CSMD1: variants seen among roughly 807,000 people sequenced by gnomAD.
CSMD1 encodes the protein CUB and sushi domain-containing protein 1.
Under a neutral mutation model 417.5 loss-of-function variants are expected in CSMD1, and 213 were observed. The ratio of observed to expected loss-of-function variants is 0.51; its 90% CI spans 0.46 to 0.57. The LOEUF (loss-of-function observed/expected upper bound fraction) is 0.57, where lower values mean the gene tolerates loss of function less well. Ranked by LOEUF, CSMD1 falls within the 20% of genes least tolerant of loss-of-function variation. The probability of loss-of-function intolerance (pLI) is 0.00; values close to 1 mark genes in which losing one functional copy is unlikely to be tolerated. For synonymous variants in CSMD1, 2,862 were observed against 1,736.8 expected (o/e 1.65, Z -16.11); for missense variants, 6,923 against 4,529.7 (o/e 1.53, Z -15.17).
chr8:4,679,855 T>C (rs779558244), intron 1 of CSMD1, among the ~76,000 whole-genome samples: 15 of 152,272 alleles, frequency 9.9e-5, no homozygotes, highest in Non-Finnish European at 8.8e-5. Context: ...ATATGTAAAA[T>C]ATATACAATG....
chr8:4,552,334 C>G (rs551473080), intron 2 of CSMD1, among the ~76,000 whole-genome samples: 3 of 149,816 alleles, frequency 2.0e-5, no homozygotes, highest in South Asian at 2.1e-4. Flanking sequence ...ATCTCACATT[C>G]TTTTTTTTTT....
intron 3 of CSMD1, among the ~76,000 whole-genome samples, chr8:4,357,700 A>G (rs1801508522): frequency 6.6e-6 from 1 of 152,166 alleles, no homozygotes; most frequent in Non-Finnish European, 1.5e-5. Flanking sequence ...TTAACAAATA[A>G]TCAGAATTAA....
At chr8:3,037,697 A>G (rs556922577) in intron 50 of CSMD1, among the ~76,000 whole-genome samples, 2 of 152,336 alleles carry the variant, frequency 1.3e-5, no homozygotes, top group African/African-American at 4.8e-5. Flanking sequence ...CTTTACCCTT[A>G]CAGCTTAACG....
At chr8:4,289,103 G>C (rs890147967) in intron 3 of CSMD1, among the ~76,000 whole-genome samples, 1 of 152,090 alleles carries the variant, frequency 6.6e-6, no homozygotes. Context: ...AACAGCAAAA[G>C]AAAAATTTTA....
intron 18 of CSMD1, among the ~76,000 whole-genome samples, 171 bp from the exon 19 acceptor site, chr8:3,369,541 T>C (rs1809815556): frequency 1.3e-5 from 2 of 152,182 alleles, no homozygotes; most frequent in Non-Finnish European, 2.9e-5. Flanking sequence ...TATCATATGC[T>C]AGTTCATATG....
chr8:3,657,922 T>C (rs1259220979), intron 7 of CSMD1, among the ~76,000 whole-genome samples: 2 of 152,172 alleles, frequency 1.3e-5, no homozygotes, highest in African/African-American at 4.8e-5. Context: ...TTCTTTTTCC[T>C]TTTTCTGATG....
chr8:2,988,370 T>C (rs1248607750), intron 54 of CSMD1, among the ~76,000 whole-genome samples: 6 of 152,100 alleles, frequency 3.9e-5, no homozygotes, highest in Admixed American at 6.6e-5. Context: ...AAAAACAATA[T>C]CTTAATGTTT....
intron 26 of CSMD1, among the ~76,000 whole-genome samples, chr8:3,261,450 A>C (rs796481300): frequency 1.9e-4 from 29 of 152,312 alleles, no homozygotes; most frequent in African/African-American, 7.0e-4. Flanking sequence ...AAATCCTACA[A>C]ATCACCACTG....
At chr8:3,237,456 C>G (rs991905510) in intron 26 of CSMD1, among the ~76,000 whole-genome samples, 1 of 148,860 alleles carries the variant, frequency 6.7e-6, no homozygotes, top group Non-Finnish European at 1.5e-5. Flanking sequence ...GACTCCATCT[C>G]AAAACAAAAA....
chr8:3,580,155 TC>T (rs1469583261), intron 9 of CSMD1, among the ~76,000 whole-genome samples: 2 of 152,120 alleles, frequency 1.3e-5, no homozygotes, highest in African/African-American at 4.8e-5. Context: ...GCAGTGCTCA[TC>T]ATGAGTTGAA....
intron 3 of CSMD1, among the ~76,000 whole-genome samples, chr8:4,236,112 G>A (rs531034574): frequency 8.2e-4 from 117 of 143,448 alleles, no homozygotes; most frequent in African/African-American, 3.0e-3. Flanking sequence ...CCAGCACAGG[G>A]CTTCAAACGG....
Position 2,972,553 on chromosome 8 carries a change from T to C in CSMD1, c.8923+564A>G, listed in dbSNP as rs1186754468. ...TACACAGTGCAGTGTCTATAAGGTG[T>C]CCGTGGCTATTCTTACTGTCATTAC... is the stretch of plus-strand genomic sequence containing the variant. On this transcript the variant is annotated intron_variant, in intron 57 of 69. Coordinates refer to ENST00000635120, the MANE Select transcript of CSMD1 (RefSeq NM_033225.6). 3.3e-5 allele frequency among the ~76,000 whole-genome samples: 5 copies of C among 152,296 alleles called. No homozygotes were observed. In the South Asian group the frequency reaches 8.3e-4, roughly 25 times the overall value.
intron 5 of CSMD1, among the ~76,000 whole-genome samples, chr8:3,760,928 T>C (rs972455523): frequency 3.3e-5 from 5 of 151,774 alleles, no homozygotes; most frequent in Admixed American, 3.3e-4. Flanking sequence ...TGTGTCAATT[T>C]GGGCAGAAAG....
At chr8:3,428,031 A>G (rs1321893147) in intron 12 of CSMD1, among the ~76,000 whole-genome samples, 2 of 152,238 alleles carry the variant, frequency 1.3e-5, no homozygotes, top group African/African-American at 2.4e-5. Context: ...GTCAAATTGC[A>G]TTATCTGCTT....
intron 3 of CSMD1, among the ~76,000 whole-genome samples, chr8:4,188,510 A>C (rs1336423924): frequency 2.6e-5 from 4 of 152,096 alleles, no homozygotes; most frequent in Non-Finnish European, 4.4e-5. Context: ...ACAAAAGATG[A>C]CTTGCAAATA....
chr8:4,547,902 T>C (rs1221946802), intron 2 of CSMD1, among the ~76,000 whole-genome samples: 3 of 152,096 alleles, frequency 2.0e-5, no homozygotes, highest in Admixed American at 6.6e-5. Context: ...AATTCAGCCA[T>C]GACAAAATAA....
chr8:3,292,050 G>T (rs1464657340), intron 25 of CSMD1, among the ~76,000 whole-genome samples: 2 of 152,036 alleles, frequency 1.3e-5, no homozygotes, highest in Admixed American at 6.6e-5. Context: ...TGGTTTCAAA[G>T]AACATCTTTA....
At chr8:3,543,491 C>A (rs781705493) in intron 10 of CSMD1, among the ~76,000 whole-genome samples, 22 of 152,070 alleles carry the variant, frequency 1.4e-4, no homozygotes, top group Admixed American at 6.6e-4. Flanking sequence ...ATTGCCGAGA[C>A]TGGCAATTAA....
At chr8:3,716,232 C>G (rs1333162520) in intron 6 of CSMD1, among the ~76,000 whole-genome samples, 4 of 152,072 alleles carry the variant, frequency 2.6e-5, no homozygotes, top group Non-Finnish European at 5.9e-5. Flanking sequence ...GGAAAGTGGT[C>G]CTGATCCAGA....
Sources: allele counts gnomAD v4.1 joint callset (sites outside exome capture counted in the v4.1 genomes callset), GRCh38; gene constraint gnomAD v4.1.1; transcripts MANE v1.5; gene names NCBI Gene and HGNC (gene_info 2026-07-23, HGNC 2026-07-21).